GRIK2: variants seen among roughly 807,000 people sequenced by gnomAD.
GRIK2 encodes glutamate receptor ionotropic, kainate 2.
Under a neutral mutation model 100.3 loss-of-function variants are expected in GRIK2, and 32 were observed. The ratio of observed to expected loss-of-function variants is 0.32; its 90% CI spans 0.24 to 0.43. The LOEUF is 0.43. Among genes scored for constraint, GRIK2 ranks in the 20% least tolerant of loss-of-function variants. GRIK2 has a pLI of 1.00. For synonymous variants in GRIK2, 417 were observed against 389.4 expected (o/e 1.07, Z -0.83); for missense variants, 843 against 1,114.9 (o/e 0.76, Z 3.47).
chr6:101,793,148 T>G (rs996437962), intron 7 of GRIK2, among the ~76,000 whole-genome samples: 129 of 152,278 alleles, frequency 8.5e-4, no homozygotes, highest in African/African-American at 3.0e-3. Context: ...TTGCCTTTGG[T>G]TTGAATTTCC....
At chr6:101,768,344 A>G (rs1449547576) in intron 7 of GRIK2, among the ~76,000 whole-genome samples, 5 of 152,166 alleles carry the variant, frequency 3.3e-5, no homozygotes, top group Non-Finnish European at 5.9e-5. Flanking sequence ...AAGTCAAACT[A>G]CAATGTCCCA....
intron 15 of GRIK2, among the ~76,000 whole-genome samples, chr6:102,045,754 A>G (rs966862234): frequency 8.5e-5 from 13 of 152,250 alleles, no homozygotes; most frequent in African/African-American, 2.9e-4. Flanking sequence ...AAGAGAGCAT[A>G]TGACAAGATG....
chr6:101,418,945 T>C (rs1776283025), intron 2 of GRIK2, among the ~76,000 whole-genome samples: 1 of 152,100 alleles, frequency 6.6e-6, no homozygotes, highest in South Asian at 2.1e-4. Context: ...ATTTATTGAG[T>C]AGGCTGTTAA....
At chr6:101,439,262 T>G (rs1434879644) in intron 2 of GRIK2, among the ~76,000 whole-genome samples, 1 of 152,140 alleles carries the variant, frequency 6.6e-6, no homozygotes, top group Non-Finnish European at 1.5e-5. Context: ...TATTTTGTCC[T>G]GGGAAGCAGA....
At position 101,480,034 on chromosome 6, in the gene GRIK2, C is replaced by A. The variant is rs967838668; in HGVS notation, c.115+80642C>A. On this transcript the variant is annotated intron_variant, in intron 2 of 16. Coordinates refer to ENST00000369134, the MANE Select transcript of GRIK2 (RefSeq NM_021956.5). ...ATAACATTGTTTTAGCCTCCCCTAA[C>A]ATACTGCATGGTAGTCCAATTCCTT... Among the ~76,000 whole-genome samples the A allele has an allele frequency of 1.4e-4, 21 of 152,142 alleles. 1 individual carries two copies. Among genetic ancestry groups the A allele is most frequent in the Non-Finnish European group, 2.5e-4 (17 of 68,000 alleles).
chr6:101,962,884 GGCCATTT>G (rs1792392041), intron 14 of GRIK2, among the ~76,000 whole-genome samples: 1 of 151,532 alleles, frequency 6.6e-6, no homozygotes, highest in Non-Finnish European at 1.5e-5. Context: ...GTCTTGTGAT[GGCCATTT>G]GCCTGACATA....
At chr6:101,639,651 C>T (rs1157576324) in intron 4 of GRIK2, among the ~76,000 whole-genome samples, 1 of 151,922 alleles carries the variant, frequency 6.6e-6, no homozygotes, top group Non-Finnish European at 1.5e-5. Context: ...TTTTCTGGGA[C>T]CTAATATTTG....
At chr6:101,864,368 G>A (rs939130087) in intron 11 of GRIK2, among the ~76,000 whole-genome samples, 12 of 152,158 alleles carry the variant, frequency 7.9e-5, no homozygotes, top group African/African-American at 2.9e-4. Context: ...GGCCCCTCAT[G>A]CTTCAGTGTA....
At chr6:101,808,485 A>T (rs1781135592) in intron 9 of GRIK2, among the ~76,000 whole-genome samples, 1 of 152,036 alleles carries the variant, frequency 6.6e-6, no homozygotes, top group African/African-American at 2.4e-5. Context: ...TCAGTCTTTT[A>T]CTGTTACACT....
intron 2 of GRIK2, among the ~76,000 whole-genome samples, chr6:101,548,705 A>G (rs1044104366): frequency 2.6e-5 from 4 of 152,196 alleles, no homozygotes; most frequent in African/African-American, 9.6e-5. Flanking sequence ...TATCATGATC[A>G]TGATCATCCT....
chr6:101,735,758 G>A (rs1339146114), intron 7 of GRIK2, among the ~76,000 whole-genome samples: 1 of 152,030 alleles, frequency 6.6e-6, no homozygotes, highest in Non-Finnish European at 1.5e-5. Flanking sequence ...TTCCTCCCCA[G>A]GCCCCTCCTA....
At chr6:101,871,414 T>G (rs1785405648) in intron 11 of GRIK2, among the ~76,000 whole-genome samples, 1 of 151,852 alleles carries the variant, frequency 6.6e-6, no homozygotes, top group Admixed American at 6.6e-5. Context: ...AGGGGTTACA[T>G]GTGCAGATTT....
intron 11 of GRIK2, among the ~76,000 whole-genome samples, chr6:101,865,743 G>C (rs1246410642): frequency 6.6e-6 from 1 of 151,818 alleles, no homozygotes; most frequent in African/African-American, 2.4e-5. Context: ...AAAAAAGTTA[G>C]CTGGGTGTGC....
intron 4 of GRIK2, among the ~76,000 whole-genome samples, chr6:101,635,478 T>C (rs1780959530): frequency 6.6e-6 from 1 of 152,076 alleles, no homozygotes; most frequent in African/African-American, 2.4e-5. Context: ...CCAAAAGCAA[T>C]GGCAACAGAA....
chr6:101,665,926 A>T (rs1769996983), intron 4 of GRIK2, among the ~76,000 whole-genome samples: 1 of 152,094 alleles, frequency 6.6e-6, no homozygotes, highest in Admixed American at 6.6e-5. Flanking sequence ...GGGTACAGAG[A>T]TGGAGAACTA....
chr6:102,017,210 T>G (rs969614147), intron 14 of GRIK2, among the ~76,000 whole-genome samples: 2 of 152,042 alleles, frequency 1.3e-5, no homozygotes, highest in African/African-American at 4.8e-5. Context: ...GTTGGCATAA[T>G]AAACAACTGA....
chr6:101,477,286 A>C (rs1027171511), intron 2 of GRIK2, among the ~76,000 whole-genome samples: 8 of 152,138 alleles, frequency 5.3e-5, no homozygotes, highest in African/African-American at 1.9e-4. Flanking sequence ...AGTTAAGGAA[A>C]AGGGGTTAGT....
chr6:101,442,922 C>A (rs2788275), intron 2 of GRIK2, among the ~76,000 whole-genome samples: 149,918 of 152,304 alleles, frequency 0.98, 73,796 homozygotes, highest in East Asian at 1. Flanking sequence ...TGACTGAATC[C>A]GCAAATAAAT....
At chr6:101,871,545 G>A (rs1373898793) in intron 11 of GRIK2, among the ~76,000 whole-genome samples, 2 of 151,838 alleles carry the variant, frequency 1.3e-5, no homozygotes, top group African/African-American at 4.8e-5. Flanking sequence ...CCCAACTCTA[G>A]TAATCCCCAG....
Sources: allele counts gnomAD v4.1 joint callset (sites outside exome capture counted in the v4.1 genomes callset), GRCh38; gene constraint gnomAD v4.1.1; transcripts MANE v1.5; gene names NCBI Gene and HGNC (gene_info 2026-07-23, HGNC 2026-07-21).